The following CNTN6 variants were observed in gnomAD, a reference collection of about 807,000 sequenced individuals.
CNTN6 encodes contactin-6.
A neutral mutation model predicts 122.8 loss-of-function variants in CNTN6; 137 were observed. The observed-to-expected ratio is 1.12, with a 90% CI of 0.97 to 1.29. The LOEUF is 1.29. Among genes scored for constraint, CNTN6 ranks in the 50% most tolerant of loss-of-function variants. The pLI is 0.00. For synonymous variants in CNTN6, 570 were observed against 426.0 expected (o/e 1.34, Z -4.16); for missense variants, 1,634 against 1,223.4 (o/e 1.34, Z -5.01).
rs71619483 is a variant in CNTN6, at chr3:1,280,459, A to ATTTT, written c.454+1971_454+1974dup. Among the ~76,000 whole-genome samples the ATTTT allele has an allele frequency of 1.9e-3, 128 of 66,606 alleles. 14 individuals are homozygous for ATTTT. Among genetic ancestry groups the ATTTT allele is most frequent in the African/African-American group, 7.1e-3 (116 of 16,338 alleles). 43.7% of individuals were successfully genotyped at this position (66,606 alleles called of 152,430 possible). A position where few individuals can be genotyped will look rare whatever the true frequency, so the allele number is the denominator to read the frequency against. Reference sequence around the variant, plus strand: ...GTAATGGCAAACTTGTGTAATACCAATTTTTTTTTTTTTTTTTTTTTTTGT... The same window carrying ATTTT: ...GTAATGGCAAACTTGTGTAATACCAATTTTTTTTTTTTTTTTTTTTTTTTTTTGT... On this transcript the variant is annotated intron_variant, in intron 5 of 22. Coordinates refer to ENST00000446702, the MANE Select transcript of CNTN6 (RefSeq NM_001289080.2).
At chr3:1,215,841 T>TC (rs1300602018) in intron 2 of CNTN6, among the ~76,000 whole-genome samples, 1 of 152,148 alleles carries the variant, frequency 6.6e-6, no homozygotes, top group Non-Finnish European at 1.5e-5. Flanking sequence ...GGAACAATTT[T>TC]TTTTCTCCTT....
chr3:1,370,325 A>G (rs1708833183), intron 12 of CNTN6, among the ~76,000 whole-genome samples: 1 of 152,116 alleles, frequency 6.6e-6, no homozygotes, highest in Non-Finnish European at 1.5e-5. Context: ...AGGAAGGGGA[A>G]CATCACACAC....
At chr3:1,240,404 G>T (rs1470890186) in intron 4 of CNTN6, among the ~76,000 whole-genome samples, 1 of 152,136 alleles carries the variant, frequency 6.6e-6, no homozygotes, top group Non-Finnish European at 1.5e-5. Flanking sequence ...CAAATGGCAA[G>T]CAAGCACAAA....
chr3:1,159,010 T>G (rs951114954), intron 2 of CNTN6, among the ~76,000 whole-genome samples: 22 of 146,600 alleles, frequency 1.5e-4, no homozygotes, highest in Non-Finnish European at 2.4e-4. Context: ...ATTCTTAAAC[T>G]CCTGGCCTCA....
At chr3:1,364,255 TATG>T (rs1707891696) in intron 12 of CNTN6, among the ~76,000 whole-genome samples, 2 of 151,946 alleles carry the variant, frequency 1.3e-5, no homozygotes, top group Admixed American at 1.3e-4. Flanking sequence ...CAAGAGAAAA[TATG>T]AGAGAATTTT....
chr3:1,361,848 G>T (rs1242406851), intron 12 of CNTN6, among the ~76,000 whole-genome samples: 1 of 152,108 alleles, frequency 6.6e-6, no homozygotes, highest in Non-Finnish European at 1.5e-5. Flanking sequence ...CAAAAGCACA[G>T]AGAGGTTAGC....
chr3:1,397,728 TTGAC>T (rs1695159878), intron 20 of CNTN6, among the ~76,000 whole-genome samples: 1 of 152,106 alleles, frequency 6.6e-6, no homozygotes, highest in Non-Finnish European at 1.5e-5. Flanking sequence ...GCCCTTGACG[TTGAC>T]TGACTAGCAC....
At chr3:1,304,098 C>T (rs1322036904) in intron 7 of CNTN6, among the ~76,000 whole-genome samples, 1 of 152,198 alleles carries the variant, frequency 6.6e-6, no homozygotes, top group Non-Finnish European at 1.5e-5. Context: ...CTCTCCAAAT[C>T]TTATCTTTGT....
chr3:1,357,410 A>C (rs1012730113), intron 12 of CNTN6, among the ~76,000 whole-genome samples: 32 of 151,878 alleles, frequency 2.1e-4, no homozygotes, highest in African/African-American at 7.7e-4. Context: ...ATTATTATTC[A>C]TTACTATTTG....
chr3:1,188,282 G>T (rs990389973), intron 2 of CNTN6, among the ~76,000 whole-genome samples: 1 of 152,098 alleles, frequency 6.6e-6, no homozygotes, highest in African/African-American at 2.4e-5. Flanking sequence ...CTCCTTTCCA[G>T]AATGAACTGA....
chr3:1,288,875 CAGAT>C (rs1694805357), intron 5 of CNTN6, among the ~76,000 whole-genome samples: 1 of 152,108 alleles, frequency 6.6e-6, no homozygotes, highest in African/African-American at 2.4e-5. Flanking sequence ...GAGAGAGCAG[CAGAT>C]AGAGTCTTCA....
Position 1,347,185 on chromosome 3 carries a change from A to G in CNTN6, c.1365-5139A>G, listed in dbSNP as rs11916853. On this transcript the variant is annotated intron_variant, in intron 11 of 22. Transcript: ENST00000446702. ...ACTCATAATGCATTAGAGGAATTGC[A>G]TGGTACAATACAAACGCTATTAATT... Among the ~76,000 whole-genome samples, 1,134 of 152,290 alleles carry G rather than the reference A, an allele frequency of 7.4e-3. 10 individuals carry two copies. Among genetic ancestry groups the G allele is most frequent in the Middle Eastern group, 0.037 (11 of 294 alleles).
chr3:1,302,582 T>C (rs1043106678), intron 7 of CNTN6, among the ~76,000 whole-genome samples: 20 of 152,122 alleles, frequency 1.3e-4, no homozygotes, highest in African/African-American at 4.8e-4. Context: ...CCAGATCTTA[T>C]TACATTTTTT....
chr3:1,217,861 A>G (rs1279295858), intron 2 of CNTN6, among the ~76,000 whole-genome samples: 1 of 152,180 alleles, frequency 6.6e-6, no homozygotes, highest in East Asian at 1.9e-4. Context: ...ACAATCCTCA[A>G]TATTTGGGGA....
intron 20 of CNTN6, among the ~76,000 whole-genome samples, chr3:1,387,989 G>A (rs1363289292): frequency 1.3e-5 from 2 of 152,130 alleles, no homozygotes; most frequent in African/African-American, 4.8e-5. Context: ...TGGGGGAGGG[G>A]CGCCCGCCAT....
intron 11 of CNTN6, among the ~76,000 whole-genome samples, chr3:1,330,384 T>C (rs1466376148): frequency 6.6e-6 from 1 of 151,870 alleles, no homozygotes; most frequent in Non-Finnish European, 1.5e-5. Flanking sequence ...GAGAGGTTCC[T>C]GTAGAGAAAG....
chr3:1,232,778 G>C (rs1275995996), intron 4 of CNTN6, among the ~76,000 whole-genome samples: 2 of 152,226 alleles, frequency 1.3e-5, no homozygotes, highest in Non-Finnish European at 2.9e-5. Flanking sequence ...CTCAAAGTGA[G>C]AAGTAGTGAA....
rs1434733209 is a variant in CNTN6 at position 1,202,546 on chromosome 3, AT to A, written c.56-18140del. On this transcript the variant is annotated intron_variant, in intron 2 of 22. Coordinates refer to ENST00000446702, the MANE Select transcript of CNTN6 (RefSeq NM_001289080.2). ...ACAGAGCCAGACTCCGTCTCAAAAA[AT>A]AAATAAATAAATAAATAAATAAATA... Among the ~76,000 whole-genome samples, 66 of 10,288 alleles carry A rather than the reference AT, an allele frequency of 6.4e-3. No individual in the cohort carries two copies. The East Asian group carries it at 0.14, about 22-fold the overall frequency. 6.7% of individuals were successfully genotyped at this position (10,288 alleles called of 152,430 possible). A position where few individuals can be genotyped will look rare whatever the true frequency, so the allele number is the denominator to read the frequency against.
At chr3:1,254,254 C>T (rs79133964) in intron 4 of CNTN6, among the ~76,000 whole-genome samples, 5,222 of 152,110 alleles carry the variant, frequency 0.034, 232 homozygotes, top group East Asian at 0.15. Flanking sequence ...TGAAGTATGG[C>T]TTGAAATTTT....
Sources: gnomAD v4.1 joint callset for allele counts (sites outside exome capture counted in the v4.1 genomes callset) on GRCh38, gnomAD v4.1.1 for gene constraint, MANE v1.5 for transcripts, NCBI Gene and HGNC (gene_info 2026-07-23, HGNC 2026-07-21) for gene names.